The following ANKRD11 variants were observed in gnomAD, a reference collection of about 807,000 sequenced individuals.
The protein encoded by ANKRD11 is ankyrin repeat domain 11.
In ANKRD11, 17 loss-of-function variants were observed where a neutral mutation model predicts 195.7. The ratio of observed to expected loss-of-function variants is 0.09; its 90% CI spans 0.06 to 0.13. ANKRD11 has a LOEUF of 0.13. ANKRD11 is among the 10% of genes least tolerant of loss of function. The probability of loss-of-function intolerance (pLI) is 1.00; values close to 1 mark genes in which losing one functional copy is unlikely to be tolerated. For synonymous variants in ANKRD11, 1,953 were observed against 1,528.1 expected (o/e 1.28, Z -6.49); for missense variants, 3,735 against 3,566.1 (o/e 1.05, Z -1.21).
chr16:89,289,574 C>T lies in ANKRD11; in HGVS notation c.602-904G>A, dbSNP rs928962757. 5.3e-5 allele frequency among the ~76,000 whole-genome samples: 8 copies of T among 152,346 alleles called. No individual in the cohort carries two copies. The East Asian group carries it at 1.5e-3, about 29-fold the overall frequency. On this transcript the variant is annotated intron_variant, in intron 6 of 12. Transcript: ENST00000301030. Reference sequence around the variant, plus strand: ...CCCAGGCAAGCCCCAGGACCCAGCCCTGTGAAGTGAGGGAGTCCAGTCCAG... The same window carrying T: ...CCCAGGCAAGCCCCAGGACCCAGCCTTGTGAAGTGAGGGAGTCCAGTCCAG...
chr16:89,459,669 A>C (rs1362302140), intron 1 of ANKRD11, among the ~76,000 whole-genome samples: 1 of 152,204 alleles, frequency 6.6e-6, no homozygotes, highest in Non-Finnish European at 1.5e-5. Context: ...AAGGTTTAAA[A>C]AAATAAAATT....
chr16:89,380,604 GC>G (rs1233388878), intron 2 of ANKRD11, among the ~76,000 whole-genome samples: 1 of 152,196 alleles, frequency 6.6e-6, no homozygotes, highest in Non-Finnish European at 1.5e-5. Context: ...TTTGTGTAAT[GC>G]CAAACAGGTC....
chr16:89,313,608 TG>T, intron 3 of ANKRD11: 1 of 1,288,474 alleles, frequency 7.8e-7, no homozygotes, highest in Non-Finnish European at 1.0e-6. Flanking sequence ...ATATTGTTTT[TG>T]ATAACATAAA....
At chr16:89,316,695 CTGTACA>C (rs2036977699) in intron 3 of ANKRD11, among the ~76,000 whole-genome samples, 1 of 152,232 alleles carries the variant, frequency 6.6e-6, no homozygotes, top group African/African-American at 2.4e-5. Context: ...AGGCCAACTT[CTGTACA>C]TAAAGCTATT....
intron 2 of ANKRD11, among the ~76,000 whole-genome samples, chr16:89,348,002 C>T (rs1322929327): frequency 2.6e-5 from 4 of 151,874 alleles, no homozygotes; most frequent in South Asian, 4.2e-4. Context: ...GGCATGATCT[C>T]GGCTCACTGC....
Position 89,283,088 on chromosome 16 carries a change from TCTC to T in ANKRD11, c.3451_3453del (p.Glu1151del). 1.2e-6 allele frequency: 2 copies of T among 1,613,958 alleles called. No homozygotes were observed. The highest frequency in any genetic ancestry group is 8.5e-7 in the Non-Finnish European group (1 of 1,179,998). ...GCATAGGCCTCCCGTCCTTCCTCCT[TCTC>T]CTGGAGGCCGTCCGTCCTCGGCAAG... On this transcript the variant is annotated inframe_deletion, in exon 9 of 13. Transcript: ENST00000301030. This position sits in a 1 kb window ranked among gnomAD's most constrained non-coding sequence, Gnocchi z 4.3.
At chr16:89,369,861 G>T (rs2040117684) in intron 2 of ANKRD11, among the ~76,000 whole-genome samples, 1 of 152,198 alleles carries the variant, frequency 6.6e-6, no homozygotes, top group Non-Finnish European at 1.5e-5. Context: ...ATGTGTACAA[G>T]GGACTGCTCC....
chr16:89,449,181 T>A (rs370405516), intron 1 of ANKRD11, among the ~76,000 whole-genome samples: 4 of 134,012 alleles, frequency 3.0e-5, no homozygotes, highest in African/African-American at 8.5e-5. Context: ...TGAAACCCAG[T>A]CTCTACAAAA....
At chr16:89,480,052 A>T (rs1166855379) in intron 1 of ANKRD11, among the ~76,000 whole-genome samples, 1 of 151,522 alleles carries the variant, frequency 6.6e-6, no homozygotes, top group African/African-American at 2.4e-5. Context: ...CAGAGGTTGC[A>T]GTGAGCTGAG....
chr16:89,338,047 A>G (rs2038462958), intron 2 of ANKRD11, among the ~76,000 whole-genome samples: 1 of 152,178 alleles, frequency 6.6e-6, no homozygotes, highest in Non-Finnish European at 1.5e-5. Context: ...CTCCCTACAC[A>G]CCAGGACCAC....
In ANKRD11 at chr16:89,286,230, C is replaced by T. The variant is rs781616180; in HGVS notation, c.745-44G>A. ...CGCGTCAGGGACTGCTGGAGAAGCA[C>T]AACTCCTCTACCGTTCCGCATAACA... On this transcript the variant is annotated intron_variant, in intron 7 of 12. Transcript: ENST00000301030. The T allele has an allele frequency of 7.5e-6, 12 of 1,606,238 alleles. 1 individual carries two copies. In the South Asian group the frequency reaches 1.1e-4, roughly 15 times the overall value.
At chr16:89,322,326 T>G (rs577721770) in intron 2 of ANKRD11, among the ~76,000 whole-genome samples, 4 of 152,360 alleles carry the variant, frequency 2.6e-5, no homozygotes, top group African/African-American at 9.6e-5. Flanking sequence ...TTCCACAGTA[T>G]GTTGATAGAA....
intron 1 of ANKRD11, among the ~76,000 whole-genome samples, chr16:89,482,780 G>A (rs1055736549): frequency 1.3e-5 from 2 of 152,136 alleles, no homozygotes; most frequent in South Asian, 2.1e-4. Flanking sequence ...CAACAGAGCC[G>A]AGACTCTCCA....
intron 2 of ANKRD11, among the ~76,000 whole-genome samples, chr16:89,396,709 C>G (rs190769702): frequency 4.6e-5 from 7 of 152,098 alleles, no homozygotes; most frequent in African/African-American, 1.7e-4. Context: ...GTTTTTGGGA[C>G]GGAGTTTTAC....
chr16:89,314,988 G>A (rs566763824), intron 3 of ANKRD11, among the ~76,000 whole-genome samples: 81 of 152,278 alleles, frequency 5.3e-4, no homozygotes, highest in Non-Finnish European at 9.0e-4. Flanking sequence ...CACACCCCAG[G>A]TGCAGAAGCC....
In ANKRD11 at chr16:89,282,674, G is replaced by A. The variant is rs1009113659; in HGVS notation, c.3868C>T (p.His1290Tyr). 6 of 1,614,084 alleles carry A rather than the reference G, an allele frequency of 3.7e-6. No individual in the cohort carries two copies. The East Asian group carries it at 6.7e-5, about 18-fold the overall frequency. The change falls in exon 9 of 13, where the codon CAT becomes TAT. Residue 1290 changes from histidine (H) to tyrosine (Y), a missense_variant. Transcript: ENST00000301030. The part of the protein sequence containing the change: ...LLEKLEEEAL[H>Y]EYREDSNDKI... ...TCGTTGGAGTCTTCTCTGTACTCATGGAGAGCCTCTTCTTCCAACTTTTCA... is the reference window on the plus strand; with the variant it reads ...TCGTTGGAGTCTTCTCTGTACTCATAGAGAGCCTCTTCTTCCAACTTTTCA...
At chr16:89,353,214 C>G (rs951155912) in intron 2 of ANKRD11, among the ~76,000 whole-genome samples, 18 of 151,886 alleles carry the variant, frequency 1.2e-4, no homozygotes, top group African/African-American at 4.3e-4. Context: ...TGGTGGCAGA[C>G]GCCTATAATC....
intron 1 of ANKRD11, among the ~76,000 whole-genome samples, chr16:89,424,936 G>A (rs746585003): frequency 2.6e-5 from 4 of 152,118 alleles, no homozygotes; most frequent in South Asian, 2.1e-4. Flanking sequence ...ACCGGTCAGC[G>A]ATACCGTGTC....
chr16:89,306,838 CACTT>C lies in ANKRD11; in HGVS notation c.88-1498_88-1495del, dbSNP rs148213016. On this transcript the variant is annotated intron_variant, in intron 3 of 12. Transcript: ENST00000301030. ...CACCTCCCATTCCACAGACACGCGC[CACTT>C]ACCTCCCACTCCGCAGACACGCGCC... 8.7e-3 allele frequency among the ~76,000 whole-genome samples: 320 copies of C among 36,978 alleles called. 1 individual carries two copies. Among genetic ancestry groups the C allele is most frequent in the Middle Eastern group, 0.034 (2 of 58 alleles). 24.3% of individuals were successfully genotyped at this position (36,978 alleles called of 152,430 possible). A position where few individuals can be genotyped will look rare whatever the true frequency, so the allele number is the denominator to read the frequency against.
Sources: allele counts gnomAD v4.1 joint callset (sites outside exome capture counted in the v4.1 genomes callset), GRCh38; gene constraint gnomAD v4.1.1; non-coding constraint Gnocchi (gnomAD v3.1); transcripts MANE v1.5; gene names NCBI Gene and HGNC (gene_info 2026-07-23, HGNC 2026-07-21).